Variants in GTF2F2 observed in about 807,000 individuals in gnomAD.
GTF2F2 encodes the protein general transcription factor IIF subunit 2.
GTF2F2 carries 23 observed loss-of-function variants against 42.2 expected under a neutral mutation model. The observed-to-expected ratio is 0.55, with a 90% CI of 0.39 to 0.77. The LOEUF is 0.77. GTF2F2 is among the 30% of genes least tolerant of loss of function. GTF2F2 has a pLI of 0.00. For synonymous variants in GTF2F2, 105 were observed against 100.8 expected, an observed-to-expected ratio of 1.04 and a Z score of -0.25; for missense variants, 261 against 287.2, an observed-to-expected ratio of 0.91 and a Z score of 0.66.
chr13:45,165,480 G>A (rs1412817089), intron 4 of GTF2F2, among the ~76,000 whole-genome samples: 3 of 151,390 alleles, frequency 2.0e-5, no homozygotes, highest in African/African-American at 7.3e-5. Flanking sequence ...AAGTGTGACC[G>A]ATTTCTCAGC....
rs79419692 is a variant in GTF2F2 at position 45,143,482 on chromosome 13, A to G, written c.141-6288A>G. ...ATTAATACCTCATAGGTTCAAATGC[A>G]TGTAAAATACGTAGTTAATAAGAGT... is the stretch of plus-strand genomic sequence containing the variant. On this transcript the variant is annotated intron_variant, in intron 2 of 7. Transcript: ENST00000340473. 6.4e-3 allele frequency among the ~76,000 whole-genome samples: 980 copies of G among 152,338 alleles called. 11 individuals carry two copies. The highest frequency in any genetic ancestry group is 0.023 in the African/African-American group (936 of 41,566).
At chr13:45,238,556 C>A (rs73475310) in intron 5 of GTF2F2, among the ~76,000 whole-genome samples, 47 of 152,048 alleles carry the variant, frequency 3.1e-4, no homozygotes, top group Admixed American at 3.1e-3. Flanking sequence ...TTCCCTGTCA[C>A]ACACACATTT....
intron 5 of GTF2F2, among the ~76,000 whole-genome samples, chr13:45,226,058 G>GAAA (rs556429871): frequency 7.0e-6 from 1 of 142,228 alleles, no homozygotes; most frequent in African/African-American, 2.5e-5. Flanking sequence ...ATTATATCCG[G>GAAA]AAAAAAAAAA....
chr13:45,206,081 C>A (rs1032533104), intron 4 of GTF2F2, among the ~76,000 whole-genome samples: 16 of 151,978 alleles, frequency 1.1e-4, no homozygotes, highest in Non-Finnish European at 2.2e-4. Context: ...AAAATAATAA[C>A]GGCTTTTAAA....
Position 45,136,799 on chromosome 13 carries a change from A to T in GTF2F2, c.133A>T (p.Ile45Phe). The part of the protein sequence containing the change: ...SGRGEVGKLR[I>F]AKTQGRTEVS... ...AAGAGGTGAAGTTGGGAAACTGCGG[A>T]TTGCCAAGTAAGTTATTTACATATT... The change falls in exon 2 of 8, where the codon ATT becomes TTT. Residue 45 changes from isoleucine (I) to phenylalanine (F), a missense_variant. Physicochemically the swap from Ile to Phe is conservative, Grantham distance 21. Transcript: ENST00000340473. The T allele has an allele frequency of 6.4e-7, 1 of 1,559,832 alleles. No individual in the cohort carries two copies. The highest frequency in any genetic ancestry group is 8.8e-7 in the Non-Finnish European group (1 of 1,131,336).
chr13:45,179,988 T>G (rs1204862296), intron 4 of GTF2F2, among the ~76,000 whole-genome samples: 1 of 151,626 alleles, frequency 6.6e-6, no homozygotes, highest in Non-Finnish European at 1.5e-5. Flanking sequence ...AATTAAAGAA[T>G]TGGAGTCATT....
At chr13:45,142,456 C>T (rs979626777) in intron 2 of GTF2F2, among the ~76,000 whole-genome samples, 1 of 152,196 alleles carries the variant, frequency 6.6e-6, no homozygotes, top group African/African-American at 2.4e-5. Context: ...GCGTGAGCCA[C>T]CACGTCTGGC....
intron 6 of GTF2F2, among the ~76,000 whole-genome samples, chr13:45,254,732 C>A (rs1876029008): frequency 6.6e-6 from 1 of 152,204 alleles, no homozygotes; most frequent in South Asian, 2.1e-4. Flanking sequence ...TTTGAAATAT[C>A]TGTAATGTAA....
chr13:45,194,519 TC>T, intron 4 of GTF2F2: 1 of 1,614,142 alleles, frequency 6.2e-7, no homozygotes, highest in Non-Finnish European at 8.5e-7. Context: ...CTGTTGTGTT[TC>T]CCTTCATACT....
intron 1 of GTF2F2, among the ~76,000 whole-genome samples, chr13:45,130,231 G>A (rs537605284): frequency 2.6e-5 from 4 of 152,316 alleles, no homozygotes; most frequent in South Asian, 2.1e-4. Context: ...TAGTTTCACC[G>A]CTAGTGATTG....
At chr13:45,229,130 A>G (rs1294220720) in intron 5 of GTF2F2, among the ~76,000 whole-genome samples, 1 of 151,948 alleles carries the variant, frequency 6.6e-6, no homozygotes, top group Non-Finnish European at 1.5e-5. Flanking sequence ...TGATCTGCCC[A>G]CCTCGGCCTC....
At chr13:45,145,152 T>G (rs1475484215) in intron 2 of GTF2F2, among the ~76,000 whole-genome samples, 10 of 152,232 alleles carry the variant, frequency 6.6e-5, no homozygotes, top group Admixed American at 6.5e-4. Flanking sequence ...CCAGCAATTC[T>G]GTAAATTTCT....
chr13:45,178,425 CTT>C (rs60059874), intron 4 of GTF2F2, among the ~76,000 whole-genome samples: 15 of 122,002 alleles, frequency 1.2e-4, no homozygotes, highest in Admixed American at 1.6e-4. Context: ...CTGAGTTTGT[CTT>C]TTTTTTTTTT....
chr13:45,131,210 G>GAAAA (rs770146191), intron 1 of GTF2F2, among the ~76,000 whole-genome samples: 1 of 133,586 alleles, frequency 7.5e-6, no homozygotes, highest in Non-Finnish European at 1.6e-5. Context: ...CTCAGTCTCA[G>GAAAA]AAAAAAAAAA....
intron 7 of GTF2F2, among the ~76,000 whole-genome samples, chr13:45,271,239 G>A (rs1188059650): frequency 6.6e-6 from 1 of 151,428 alleles, no homozygotes; most frequent in African/African-American, 2.4e-5. Flanking sequence ...TGCAGTGAGC[G>A]GAGATTGCGC....
intron 4 of GTF2F2, among the ~76,000 whole-genome samples, chr13:45,183,772 A>G (rs1438415642): frequency 6.6e-6 from 1 of 152,186 alleles, no homozygotes; most frequent in Non-Finnish European, 1.5e-5. Flanking sequence ...TGCCTGATAC[A>G]AAGTAATACC....
chr13:45,153,674 G>T lies in GTF2F2; in HGVS notation c.304+1843G>T, dbSNP rs549317552. Among the ~76,000 whole-genome samples, 10 of 152,156 alleles carry T rather than the reference G, an allele frequency of 6.6e-5. No individual in the cohort carries two copies. The South Asian group carries it at 2.1e-3, about 32-fold the overall frequency. The stretch of plus-strand genomic sequence containing the variant: ...GAAATTAGAAGCACATTTGAATTCA[G>T]TATGTTAAGAGTTTTAGGTTTGGCC... On this transcript the variant is annotated intron_variant, in intron 4 of 7. Transcript: ENST00000340473.
intron 5 of GTF2F2, among the ~76,000 whole-genome samples, chr13:45,250,659 G>A (rs1364709309): frequency 1.3e-5 from 2 of 152,140 alleles, no homozygotes; most frequent in African/African-American, 2.4e-5. Flanking sequence ...GCAGCCAGAG[G>A]CAGATACAGG....
intron 5 of GTF2F2, among the ~76,000 whole-genome samples, chr13:45,247,989 C>T (rs751800651): frequency 2.0e-5 from 3 of 151,972 alleles, no homozygotes; most frequent in Non-Finnish European, 4.4e-5. Flanking sequence ...TGATTACAGG[C>T]GTGCATCACC....
Sources: allele counts gnomAD v4.1 joint callset (sites outside exome capture counted in the v4.1 genomes callset), GRCh38; gene constraint gnomAD v4.1.1; transcripts MANE v1.5; gene names NCBI Gene and HGNC (gene_info 2026-07-23, HGNC 2026-07-21).